Variants in STK31 observed in about 807,000 individuals in gnomAD.
The protein encoded by STK31 is serine/threonine kinase 31, also known as serine/threonine-protein kinase 31.
STK31 carries 89 observed loss-of-function variants against 129.7 expected under a neutral mutation model. The ratio of observed to expected loss-of-function variants is 0.69; its 90% confidence interval spans 0.58 to 0.82. The LOEUF (loss-of-function observed/expected upper bound fraction) is 0.82, where lower values mean the gene tolerates loss of function less well. STK31 is among the 40% of genes least tolerant of loss of function. The pLI, the probability that STK31 is intolerant of heterozygous loss-of-function variation, is 0.00. For missense variants in STK31, 1,187 were observed against 1,176.4 expected (o/e 1.01, Z -0.13); for synonymous variants, 448 against 395.3 (o/e 1.13, Z -1.58).
chr7:23,715,919 G>A (rs1786287322), intron 3 of STK31, among the ~76,000 whole-genome samples: 1 of 152,024 alleles, frequency 6.6e-6, no homozygotes, highest in South Asian at 2.1e-4. Context: ...TGCAAAATTA[G>A]TACAGAGGCT....
intron 4 of STK31, among the ~76,000 whole-genome samples, chr7:23,718,532 A>C (rs566138471): frequency 6.6e-6 from 1 of 152,240 alleles, no homozygotes; most frequent in African/African-American, 2.4e-5. Context: ...TCAGAGGTAT[A>C]ACCCTCATTT....
At chr7:23,816,586 C>T (rs1019317278) in intron 23 of STK31, among the ~76,000 whole-genome samples, 39 of 152,172 alleles carry the variant, frequency 2.6e-4, no homozygotes, top group African/African-American at 9.2e-4. Flanking sequence ...CTGTTTCTTT[C>T]AGTTTATTAG....
At position 23,768,762 on chromosome 7, in the gene STK31, GCTTT is replaced by G. The variant is rs1789987376; in HGVS notation, c.1417-230_1417-227del. On this transcript the variant is annotated intron_variant, in intron 11 of 23. Coordinates refer to ENST00000355870, the MANE Select transcript of STK31 (RefSeq NM_031414.5). ...TAATTAAAAACCATAAGGATATAAA[GCTTT>G]CTATTTGTAACTAATTCACTTAATA... is the stretch of plus-strand genomic sequence containing the variant. Among the ~76,000 whole-genome samples, 3 of 152,220 alleles carry G rather than the reference GCTTT, an allele frequency of 2.0e-5. 1 individual carries two copies. In the South Asian group the frequency reaches 6.2e-4, roughly 32 times the overall value.
chr7:23,772,994 C>T (rs1017666701), intron 15 of STK31, among the ~76,000 whole-genome samples: 2 of 152,046 alleles, frequency 1.3e-5, no homozygotes, highest in African/African-American at 4.8e-5. Flanking sequence ...TTATTCTATT[C>T]TGGGCTTTGG....
intron 11 of STK31, 133 bp from the exon 12 acceptor site, chr7:23,768,862 C>CAGGAA: frequency 1.4e-6 from 1 of 735,594 alleles, no homozygotes; most frequent in Non-Finnish European, 2.0e-6. Context: ...TCTGATGATT[C>CAGGAA]TAAGTTGTAT....
At chr7:23,828,493 G>A (rs1343015013) in intron 23 of STK31, among the ~76,000 whole-genome samples, 3 of 151,976 alleles carry the variant, frequency 2.0e-5, no homozygotes, top group African/African-American at 7.3e-5. Flanking sequence ...GCCATCTGTC[G>A]CCCCTTTCTT....
rs1314382324 is a variant in STK31, at chr7:23,770,934, A to G, written c.1714-71A>G. 22 of 1,447,196 alleles carry G rather than the reference A, an allele frequency of 1.5e-5. No homozygotes were observed. The South Asian group carries it at 1.9e-4, about 13-fold the overall frequency. 89.6% of individuals were successfully genotyped at this position (1,447,196 alleles called of 1,614,324 possible). ...AAAGGCATAATTTTGAAGTTTATCT[A>G]TTGTTATTGGAGGCCTTAGCTGTTT... On this transcript the variant is annotated intron_variant, in intron 13 of 23. Coordinates refer to ENST00000355870, the MANE Select transcript of STK31 (RefSeq NM_031414.5).
rs536684347 is a variant in STK31 at position 23,812,752 on chromosome 7, G to A, written c.2761-2392G>A. Among the ~76,000 whole-genome samples the A allele has an allele frequency of 2.7e-4, 41 of 151,568 alleles. No homozygotes were observed. The South Asian group carries it at 4.6e-3, about 17-fold the overall frequency. ...CATTTTATTTAGCTCCTACTTATAA[G>A]TGAGAAAATGCAGTATTGGGCTTTC... On this transcript the variant is annotated intron_variant, in intron 22 of 23. Transcript: ENST00000355870.
At chr7:23,802,845 T>C (rs181311666) in intron 22 of STK31, among the ~76,000 whole-genome samples, 16 of 152,336 alleles carry the variant, frequency 1.1e-4, no homozygotes, top group Admixed American at 5.2e-4. Flanking sequence ...AAACAGCTTG[T>C]CTGTGTGCAC....
At chr7:23,792,270 A>T (rs1791665761) in intron 22 of STK31, among the ~76,000 whole-genome samples, 1 of 152,220 alleles carries the variant, frequency 6.6e-6, no homozygotes, top group Admixed American at 6.5e-5. Context: ...ACTAGAACAA[A>T]TGAGTTTAGA....
At chr7:23,806,023 G>A (rs1012584626) in intron 22 of STK31, among the ~76,000 whole-genome samples, 3 of 152,112 alleles carry the variant, frequency 2.0e-5, no homozygotes, top group Non-Finnish European at 2.9e-5. Flanking sequence ...TTAGTGTCTC[G>A]AGGCTCCATG....
chr7:23,749,531 T>TGG (rs138533739), intron 8 of STK31, among the ~76,000 whole-genome samples: 2 of 145,240 alleles, frequency 1.4e-5, no homozygotes, highest in African/African-American at 5.1e-5. Context: ...TTTTTTTTTT[T>TGG]GGGGGTAGAG....
At chr7:23,826,637 C>T (rs1435238718) in intron 23 of STK31, among the ~76,000 whole-genome samples, 3 of 152,128 alleles carry the variant, frequency 2.0e-5, no homozygotes, top group Non-Finnish European at 4.4e-5. Context: ...TTGATCCTGT[C>T]ATTATGATGT....
intron 5 of STK31, chr7:23,727,517 G>A: frequency 2.9e-6 from 1 of 344,676 alleles, no homozygotes; most frequent in Non-Finnish European, 5.3e-6. Context: ...TATATAATAT[G>A]TAGGTTATTT....
intron 13 of STK31, 73 bp from the exon 14 acceptor site, chr7:23,770,932 C>A: frequency 7.0e-7 from 1 of 1,433,452 alleles, no homozygotes; most frequent in Non-Finnish European, 9.3e-7. Flanking sequence ...TGAAGTTTAT[C>A]TATTGTTATT....
rs751723529 is a variant in STK31 at position 23,809,702 on chromosome 7, G to C, written c.2761-5442G>C. The stretch of plus-strand genomic sequence containing the variant: ...CACAGTTCAAATCTACATTGTTCAA[G>C]GGACTACATTATCTGTTTACCCAGT... On this transcript the variant is annotated intron_variant, in intron 22 of 23. Transcript: ENST00000355870. Among the ~76,000 whole-genome samples the C allele has an allele frequency of 6.6e-5, 10 of 152,240 alleles. 1 individual carries two copies. The highest frequency in any genetic ancestry group is 1.3e-4 in the Non-Finnish European group (9 of 68,002).
chr7:23,721,573 CG>C (rs1562547052), intron 4 of STK31: 20 of 923,132 alleles, frequency 2.2e-5, no homozygotes. Flanking sequence ...GAGCCCTTTG[CG>C]GAATCCCCTT....
intron 22 of STK31, among the ~76,000 whole-genome samples, chr7:23,796,087 T>C (rs1384057023): frequency 6.6e-6 from 1 of 152,210 alleles, no homozygotes; most frequent in Non-Finnish European, 1.5e-5. Context: ...TGGGGTGGAA[T>C]GATAATGGTT....
intron 4 of STK31, among the ~76,000 whole-genome samples, chr7:23,724,177 AG>A (rs1214864303): frequency 1.3e-5 from 2 of 152,268 alleles, no homozygotes; most frequent in South Asian, 4.1e-4. Context: ...TATGCCGGAC[AG>A]GAACTCAAGG....
Sources: allele counts gnomAD v4.1 joint callset (sites outside exome capture counted in the v4.1 genomes callset), GRCh38; gene constraint gnomAD v4.1.1; transcripts MANE v1.5; gene names NCBI Gene and HGNC (gene_info 2026-07-23, HGNC 2026-07-21).